WIPF3: variants seen among roughly 807,000 people sequenced by gnomAD.
WIPF3 encodes the protein WAS/WASL-interacting protein family member 3.
A neutral mutation model predicts 38.9 loss-of-function variants in WIPF3; 33 were observed. The ratio of observed to expected loss-of-function variants is 0.85; its 90% confidence interval spans 0.64 to 1.14. The LOEUF is 1.14. Among genes scored for constraint, WIPF3 ranks in the 50% most tolerant of loss-of-function variants. The pLI is 0.00. For synonymous variants in WIPF3, 324 were observed against 269.3 expected (o/e 1.20, Z -1.99); for missense variants, 711 against 652.5 (o/e 1.09, Z -0.98).
intron 1 of WIPF3, among the ~76,000 whole-genome samples, chr7:29,829,916 T>C (rs1677294071): frequency 1.3e-5 from 2 of 152,208 alleles, no homozygotes; most frequent in South Asian, 4.1e-4. Flanking sequence ...TTTGAGAATC[T>C]GTCCTTTTAC....
intron 1 of WIPF3, among the ~76,000 whole-genome samples, chr7:29,831,613 T>C (rs756781761): frequency 6.6e-6 from 1 of 152,248 alleles, no homozygotes; most frequent in Non-Finnish European, 1.5e-5. Context: ...ATAAAACAAA[T>C]TAACTCAAAA....
At position 29,844,241 on chromosome 7, in the gene WIPF3, C is replaced by A. The variant is rs924817469; in HGVS notation, c.90+9427C>A. ...TTATTTTCTTTTTTTTGTGAGTCTG[C>A]GTCTCCTCAGATGTCTACATGGAAC... On this transcript the variant is annotated intron_variant, in intron 2 of 8. Coordinates refer to ENST00000242140, the MANE Select transcript of WIPF3 (RefSeq NM_001080529.3). This position sits in a 1 kb window ranked among gnomAD's most constrained non-coding sequence, Gnocchi z 4.8. Among the ~76,000 whole-genome samples, 1 of 152,038 alleles carries A rather than the reference C, an allele frequency of 6.6e-6. No individual in the cohort carries two copies. The highest frequency in any genetic ancestry group is 2.4e-5 in the African/African-American group (1 of 41,394).
intron 2 of WIPF3, among the ~76,000 whole-genome samples, chr7:29,860,976 A>G (rs557266478): frequency 6.6e-6 from 1 of 152,142 alleles, no homozygotes; most frequent in South Asian, 2.1e-4. Context: ...GGATGTGTTA[A>G]GATTGAGGTA....
At chr7:29,910,028 G>T (rs538834250) in intron 8 of WIPF3, among the ~76,000 whole-genome samples, 1 of 152,076 alleles carries the variant, frequency 6.6e-6, no homozygotes, top group Non-Finnish European at 1.5e-5. Context: ...AGCACAACAG[G>T]GTGACTATAG....
At chr7:29,847,070 C>T (rs546515977) in intron 2 of WIPF3, among the ~76,000 whole-genome samples, 1 of 152,224 alleles carries the variant, frequency 6.6e-6, no homozygotes, top group East Asian at 1.9e-4. Context: ...TCTTTAATGC[C>T]CTGAACAGGA....
At chr7:29,833,593 A>T (rs1289360167) in intron 1 of WIPF3, among the ~76,000 whole-genome samples, 1 of 152,238 alleles carries the variant, frequency 6.6e-6, no homozygotes, top group African/African-American at 2.4e-5. Context: ...GCTAACAAGA[A>T]AGCATCACAT....
chr7:29,828,739 C>G (rs896739847), intron 1 of WIPF3, among the ~76,000 whole-genome samples: 2 of 152,128 alleles, frequency 1.3e-5, no homozygotes, highest in Admixed American at 6.6e-5. Flanking sequence ...TAGCCCACCT[C>G]TGAGTGGGTG....
intron 7 of WIPF3, among the ~76,000 whole-genome samples, chr7:29,899,211 A>G (rs12700999): frequency 0.47 from 70,931 of 151,540 alleles, 18,333 homozygotes; most frequent in East Asian, 0.78. Flanking sequence ...CAAAAGCCAC[A>G]CCTCCAAATA....
intron 2 of WIPF3, among the ~76,000 whole-genome samples, chr7:29,851,945 G>A (rs1171340898): frequency 6.6e-6 from 1 of 152,172 alleles, no homozygotes; most frequent in Non-Finnish European, 1.5e-5. Context: ...TGCCTGAAGA[G>A]AAAGGCTCCT....
At chr7:29,868,179 G>A (rs10156054) in intron 2 of WIPF3, among the ~76,000 whole-genome samples, 1,632 of 152,286 alleles carry the variant, frequency 0.011, 34 homozygotes, top group African/African-American at 0.038. Context: ...AGAGCTTCAC[G>A]GGGAGATGAA....
intron 3 of WIPF3, among the ~76,000 whole-genome samples, chr7:29,877,132 A>T (rs1449203616): frequency 6.6e-6 from 1 of 152,210 alleles, no homozygotes; most frequent in East Asian, 1.9e-4. Flanking sequence ...GAAATGTATG[A>T]TGTGTTTACT....
chr7:29,907,090 C>T (rs564750381), intron 8 of WIPF3, among the ~76,000 whole-genome samples: 8 of 152,280 alleles, frequency 5.3e-5, no homozygotes, highest in South Asian at 2.1e-4. Context: ...AAACAATGAC[C>T]TCACTAAAGG....
intron 1 of WIPF3, among the ~76,000 whole-genome samples, chr7:29,819,944 G>T (rs1416605772): frequency 6.6e-6 from 1 of 152,006 alleles, no homozygotes; most frequent in African/African-American, 2.4e-5. Flanking sequence ...AGTCCCTTCT[G>T]TGGCTAGTTT....
At chr7:29,868,259 T>A (rs1398603689) in intron 2 of WIPF3, among the ~76,000 whole-genome samples, 1 of 151,988 alleles carries the variant, frequency 6.6e-6, no homozygotes, top group African/African-American at 2.4e-5. Flanking sequence ...AGCACAGGCT[T>A]GGAAGTGGGA....
chr7:29,873,107 C>T (rs142155433), intron 2 of WIPF3, among the ~76,000 whole-genome samples: 2 of 152,288 alleles, frequency 1.3e-5, no homozygotes, highest in Non-Finnish European at 2.9e-5. Flanking sequence ...ACAGCCCTCA[C>T]CTGAAATGCC....
At chr7:29,820,785 A>C (rs1784522714) in intron 1 of WIPF3, among the ~76,000 whole-genome samples, 1 of 152,158 alleles carries the variant, frequency 6.6e-6, no homozygotes, top group Non-Finnish European at 1.5e-5. Flanking sequence ...TGAGAAATAG[A>C]CGTGATTTAT....
intron 1 of WIPF3, among the ~76,000 whole-genome samples, chr7:29,810,374 G>A (rs144015786): frequency 5.4e-4 from 82 of 152,278 alleles, no homozygotes; most frequent in African/African-American, 1.9e-3. Flanking sequence ...TCCATTCCCA[G>A]CATAGCACCT....
At chr7:29,834,948 C>T in intron 2 of WIPF3, 134 bp downstream of exon 2, 4 of 1,115,906 alleles carry the variant, frequency 3.6e-6, no homozygotes, top group South Asian at 3.1e-5. Flanking sequence ...GTGGCTGGAT[C>T]TGGCAGCTTT....
chr7:29,811,900 T>C (rs1562768082), intron 1 of WIPF3, among the ~76,000 whole-genome samples: 3 of 152,230 alleles, frequency 2.0e-5, no homozygotes, highest in African/African-American at 4.8e-5. Context: ...CTTCCAAAGA[T>C]TGTAATTCTT....
Sources: gnomAD v4.1 joint callset for allele counts (sites outside exome capture counted in the v4.1 genomes callset) on GRCh38, gnomAD v4.1.1 for gene constraint, Gnocchi (gnomAD v3.1) non-coding constraint, MANE v1.5 for transcripts, NCBI Gene and HGNC (gene_info 2026-07-23, HGNC 2026-07-21) for gene names.